FNBP1: variants seen among roughly 807,000 people sequenced by gnomAD.
FNBP1 encodes the protein formin-binding protein 1.
A neutral mutation model predicts 90.6 loss-of-function variants in FNBP1; 26 were observed. The ratio of observed to expected loss-of-function variants is 0.29; its 90% confidence interval spans 0.21 to 0.40. The LOEUF is 0.40. Among genes scored for constraint, FNBP1 ranks in the 10% least tolerant of loss-of-function variants. FNBP1 has a pLI of 1.00. For missense variants in FNBP1, 635 were observed against 768.0 expected (o/e 0.83, Z 2.05); for synonymous variants, 260 against 265.2 (o/e 0.98, Z 0.19).
chr9:130,016,695 A>T (rs559652232), intron 1 of FNBP1, among the ~76,000 whole-genome samples: 1 of 152,242 alleles, frequency 6.6e-6, no homozygotes, highest in African/African-American at 2.4e-5. Context: ...GTGAGCCAAG[A>T]TCTCGCCATT....
chr9:130,010,764 CTTT>C (rs111591184), intron 1 of FNBP1, among the ~76,000 whole-genome samples: 4 of 140,562 alleles, frequency 2.8e-5, no homozygotes, highest in African/African-American at 2.6e-5. Context: ...TTCTTTGGGT[CTTT>C]TTTTTTTTTT....
chr9:130,049,675 C>T, the FNBP1 span, among the ~76,000 whole-genome samples: 4 of 148,738 alleles, frequency 2.7e-5, no homozygotes, highest in Admixed American at 2.0e-4. Flanking sequence ...CACTCCAGCC[C>T]GGGAAACAAA....
At chr9:130,017,528 A>C (rs2057355965) in intron 1 of FNBP1, among the ~76,000 whole-genome samples, 1 of 152,134 alleles carries the variant, frequency 6.6e-6, no homozygotes, top group South Asian at 2.1e-4. Context: ...CACTAATATC[A>C]TGTTTTAAAA....
chr9:130,004,419 C>G lies in FNBP1; in HGVS notation c.25-9461G>C, dbSNP rs1382915802. On this transcript the variant is annotated intron_variant, in intron 1 of 16. Transcript: ENST00000446176. The stretch of plus-strand genomic sequence containing the variant: ...AGTCCCCCTCTGCAAGCAAATCTCT[C>G]CTGCAGTGAATTATTCACCCAGTGA... Among the ~76,000 whole-genome samples, 4 of 152,174 alleles carry G rather than the reference C, an allele frequency of 2.6e-5. No individual in the cohort carries two copies. The East Asian group carries it at 7.7e-4, about 29-fold the overall frequency.
upstream of FNBP1, among the ~76,000 whole-genome samples, chr9:130,047,548 G>A (rs923915112): frequency 5.9e-5 from 9 of 152,188 alleles, no homozygotes; most frequent in Non-Finnish European, 5.9e-5. Context: ...GGGAGGTGGA[G>A]GTTGTGGTGA....
At chr9:129,954,855 G>T (rs1341342168) in intron 6 of FNBP1, among the ~76,000 whole-genome samples, 1 of 152,096 alleles carries the variant, frequency 6.6e-6, no homozygotes, top group African/African-American at 2.4e-5. Context: ...AAAATTAGCT[G>T]GGCGTGGTGA....
In FNBP1 at chr9:130,031,686, G is replaced by C. The variant is rs947427202; in HGVS notation, c.24+11266C>G. ...TTCTTTCTTTCTTTTTTTTGACAGG[G>C]AGTCTCGCTCTGTTGCCCAGGCTGG... is the stretch of plus-strand genomic sequence containing the variant. On this transcript the variant is annotated intron_variant, in intron 1 of 16. Transcript: ENST00000446176. The surrounding 1 kb of genome is among the most constrained non-coding windows in gnomAD (Gnocchi z 4.2). 1.3e-5 allele frequency among the ~76,000 whole-genome samples: 2 copies of C among 151,684 alleles called. No homozygotes were observed. Among genetic ancestry groups the C allele is most frequent in the Non-Finnish European group, 2.9e-5 (2 of 67,950 alleles).
At chr9:130,004,492 T>C (rs1271978715) in intron 1 of FNBP1, among the ~76,000 whole-genome samples, 1 of 152,190 alleles carries the variant, frequency 6.6e-6, no homozygotes, top group Non-Finnish European at 1.5e-5. Flanking sequence ...GTCTGTGCTA[T>C]CTAGACTGCT....
intron 6 of FNBP1, among the ~76,000 whole-genome samples, chr9:129,937,114 G>A (rs573812620): frequency 6.6e-6 from 1 of 152,060 alleles, no homozygotes; most frequent in African/African-American, 2.4e-5. Flanking sequence ...AGGCTGCAGT[G>A]AGCCAAGGTC....
intron 15 of FNBP1, 138 bp downstream of exon 15, chr9:129,899,827 G>T: frequency 1.5e-6 from 1 of 663,702 alleles, no homozygotes; most frequent in Non-Finnish European, 2.4e-6. Flanking sequence ...GAAGGGGAAG[G>T]GAAGGTAGGA....
At chr9:129,996,823 A>G (rs577089325) in intron 1 of FNBP1, among the ~76,000 whole-genome samples, 19 of 152,128 alleles carry the variant, frequency 1.2e-4, no homozygotes, top group African/African-American at 4.1e-4. Flanking sequence ...CCTCCTGAGT[A>G]ACTGGGACTA....
Position 129,900,286 on chromosome 9 carries a change from GA to G in FNBP1, c.1550+139del. 3 of 1,139,686 alleles carry G rather than the reference GA, an allele frequency of 2.6e-6. No homozygotes were observed. Among genetic ancestry groups the G allele is most frequent in the Non-Finnish European group, 3.6e-6 (3 of 836,654 alleles). 70.6% of individuals were successfully genotyped at this position (1,139,686 alleles called of 1,614,324 possible). On this transcript the variant is annotated intron_variant, in intron 14 of 16. Coordinates refer to ENST00000446176, the MANE Select transcript of FNBP1 (RefSeq NM_015033.3). This position sits in a 1 kb window ranked among gnomAD's most constrained non-coding sequence, Gnocchi z 4.1. ...TGTGGAATTATAAATCTGCATCATG[GA>G]AAAAGTGACAGGTCAATCGCAACAG...
At chr9:130,027,195 C>T (rs1280348552) in intron 1 of FNBP1, among the ~76,000 whole-genome samples, 5 of 152,068 alleles carry the variant, frequency 3.3e-5, no homozygotes, top group African/African-American at 1.2e-4. Context: ...TGAAAAATGA[C>T]AGAATCACCA....
chr9:129,957,348 C>G lies in FNBP1; in HGVS notation c.513+12G>C. 1.1e-5 allele frequency: 18 copies of G among 1,583,918 alleles called. No individual in the cohort carries two copies. Among genetic ancestry groups the G allele is most frequent in the African/African-American group, 4.0e-5 (3 of 74,250 alleles). ...CCACCGTGCCCGGCCCACACTTGAG[C>G]TTTCACCTCACCTTTTCAACATCCG... On this transcript the variant is annotated intron_variant, in intron 6 of 16. Transcript: ENST00000446176. This position sits in a 1 kb window ranked among gnomAD's most constrained non-coding sequence, Gnocchi z 4.3.
rs1438074089 is a variant in FNBP1, at chr9:129,935,361, G to A, written c.514-5666C>T. On this transcript the variant is annotated intron_variant, in intron 6 of 16. Coordinates refer to ENST00000446176, the MANE Select transcript of FNBP1 (RefSeq NM_015033.3). ...TAAGGAGAATAACACTCTTGGCAGT[G>A]TCTCAATTGTCATAAGCAGAGAATA... Among the ~76,000 whole-genome samples, 5 of 152,056 alleles carry A rather than the reference G, an allele frequency of 3.3e-5. 1 individual carries two copies. In the East Asian group the frequency reaches 9.6e-4, roughly 29 times the overall value.
rs773228677 is a variant in FNBP1, at chr9:129,899,833, T to TAGGA, written c.1687+128_1687+131dup. The stretch of plus-strand genomic sequence containing the variant: ...GGGGAAGGGGAAGGGGAAGGGAAGG[T>TAGGA]AGGAAGGAAGGAAGGAAGGACAAAG... On this transcript the variant is annotated intron_variant, in intron 15 of 16. Coordinates refer to ENST00000446176, the MANE Select transcript of FNBP1 (RefSeq NM_015033.3). 679 of 668,834 alleles carry TAGGA rather than the reference T, an allele frequency of 1.0e-3. 2 individuals carry two copies. Among genetic ancestry groups the TAGGA allele is most frequent in the African/African-American group, 9.9e-3 (405 of 40,900 alleles). 41.4% of individuals were successfully genotyped at this position (668,834 alleles called of 1,614,324 possible).
chr9:129,928,908 C>T (rs568708673), intron 7 of FNBP1, among the ~76,000 whole-genome samples: 1 of 151,904 alleles, frequency 6.6e-6, no homozygotes, highest in South Asian at 2.1e-4. Flanking sequence ...CTGGGCAACA[C>T]AGCAAGACCC....
In FNBP1 at chr9:129,994,833, A is replaced by G. The variant is rs764425388; in HGVS notation, c.140+10T>C. The G allele has an allele frequency of 2.2e-6, 3 of 1,363,978 alleles. No individual in the cohort carries two copies. The highest frequency in any genetic ancestry group is 3.6e-5 in the Admixed American group (2 of 54,856). 84.5% of individuals were successfully genotyped at this position (1,363,978 alleles called of 1,614,324 possible). Reference sequence around the variant, plus strand: ...CAGTTAACAAATAACCTTTTTCAATATCAACTTACCTGAGTTGCTTTGCAT... The same window carrying G: ...CAGTTAACAAATAACCTTTTTCAATGTCAACTTACCTGAGTTGCTTTGCAT... On this transcript the variant is annotated intron_variant, in intron 2 of 16. Coordinates refer to ENST00000446176, the MANE Select transcript of FNBP1 (RefSeq NM_015033.3).
intron 2 of FNBP1, among the ~76,000 whole-genome samples, chr9:129,980,881 C>A (rs1030448371): frequency 6.6e-6 from 1 of 151,548 alleles, no homozygotes; most frequent in Non-Finnish European, 1.5e-5. Context: ...GAAACCCCGT[C>A]TCTACTAAAA....
Sources: allele counts gnomAD v4.1 joint callset (sites outside exome capture counted in the v4.1 genomes callset), GRCh38; gene constraint gnomAD v4.1.1; non-coding constraint Gnocchi (gnomAD v3.1); transcripts MANE v1.5; gene names NCBI Gene and HGNC (gene_info 2026-07-23, HGNC 2026-07-21).